Variants in GRM7 observed in about 807,000 individuals in gnomAD.
GRM7 encodes the protein metabotropic glutamate receptor 7.
In GRM7, 35 loss-of-function variants were observed where a neutral mutation model predicts 84.5. That is an observed-to-expected ratio of 0.41 (90% confidence interval 0.32 to 0.55). The LOEUF is 0.55. GRM7 is among the 20% of genes least tolerant of loss of function. GRM7 has a pLI of 0.19. For synonymous variants in GRM7, 487 were observed against 455.1 expected, an observed-to-expected ratio of 1.07 and a Z score of -0.89; for missense variants, 1,003 against 1,194.6, an observed-to-expected ratio of 0.84 and a Z score of 2.36.
intron 2 of GRM7, among the ~76,000 whole-genome samples, chr3:7,159,386 G>A (rs1256381895): frequency 6.6e-6 from 1 of 152,142 alleles, no homozygotes; most frequent in African/African-American, 2.4e-5. Flanking sequence ...CATCAGATAG[G>A]GAACAAGGGT....
chr3:7,095,936 T>A (rs1698843943), intron 1 of GRM7, among the ~76,000 whole-genome samples: 1 of 152,156 alleles, frequency 6.6e-6, no homozygotes, highest in Admixed American at 6.6e-5. Context: ...ATAAAATATA[T>A]GTCATATATA....
chr3:7,656,365 G>A (rs147916674), intron 8 of GRM7, among the ~76,000 whole-genome samples: 40 of 151,892 alleles, frequency 2.6e-4, no homozygotes, highest in Non-Finnish European at 4.3e-4. Context: ...GCATGGTGGC[G>A]TGCACCTGTA....
intron 8 of GRM7, among the ~76,000 whole-genome samples, chr3:7,624,653 G>A (rs565973160): frequency 6.6e-6 from 1 of 152,018 alleles, no homozygotes; most frequent in Non-Finnish European, 1.5e-5. Flanking sequence ...TACCATCTCC[G>A]AGTTGTTATG....
Position 7,324,937 on chromosome 3 carries a change from C to G in GRM7, c.1033+18285C>G, listed in dbSNP as rs544243808. ...CTAGTTTCTTCCAGTATATATCAGC[C>G]AGGTCCTGCAGCTTTTCCAACGTGT... On this transcript the variant is annotated intron_variant, in intron 4 of 9. Transcript: ENST00000357716. Among the ~76,000 whole-genome samples, 10 of 152,258 alleles carry G rather than the reference C, an allele frequency of 6.6e-5. No homozygotes were observed. The South Asian group carries it at 2.1e-3, about 32-fold the overall frequency.
chr3:7,104,917 A>G (rs1275653540), intron 1 of GRM7, among the ~76,000 whole-genome samples: 1 of 151,870 alleles, frequency 6.6e-6, no homozygotes, highest in Non-Finnish European at 1.5e-5. Flanking sequence ...ACAATATAAT[A>G]CAAAATATAT....
intron 4 of GRM7, among the ~76,000 whole-genome samples, chr3:7,351,609 T>C (rs1385158724): frequency 6.6e-6 from 1 of 152,054 alleles, no homozygotes; most frequent in Non-Finnish European, 1.5e-5. Flanking sequence ...TATGAGTGGA[T>C]ACCATCCTAT....
chr3:6,889,443 C>G (rs201681671), intron 1 of GRM7, among the ~76,000 whole-genome samples: 65,782 of 149,828 alleles, frequency 0.44, 16,065 homozygotes, highest in African/African-American at 0.67. Flanking sequence ...TAGCATGAAG[C>G]GTTGTTGAAT....
chr3:6,980,709 A>G (rs1266724080), intron 1 of GRM7, among the ~76,000 whole-genome samples: 1 of 152,240 alleles, frequency 6.6e-6, no homozygotes, highest in African/African-American at 2.4e-5. Flanking sequence ...ACTCACGTGC[A>G]AGTTCTTACT....
intron 1 of GRM7, among the ~76,000 whole-genome samples, chr3:7,092,708 C>G (rs1273549031): frequency 2.0e-5 from 3 of 152,004 alleles, no homozygotes; most frequent in Non-Finnish European, 4.4e-5. Context: ...AGGGGGAGGT[C>G]ATATTTATCA....
At chr3:6,987,108 T>C (rs984907567) in intron 1 of GRM7, among the ~76,000 whole-genome samples, 2 of 152,176 alleles carry the variant, frequency 1.3e-5, no homozygotes, top group Non-Finnish European at 2.9e-5. Flanking sequence ...TCTAATCCCC[T>C]TCCCTTTAGC....
rs1383027710 is a variant in GRM7 at position 7,713,757 on chromosome 3, C to T, written c.2699-26600C>T. 2.7e-5 allele frequency among the ~76,000 whole-genome samples: 4 copies of T among 148,266 alleles called. No individual in the cohort carries two copies. The South Asian group carries it at 8.5e-4, about 32-fold the overall frequency. ...AGAAAGGTATAAAACAGAATTTGCT[C>T]CTGGGATGCTCTCAATTGGAAGAGC... On this transcript the variant is annotated intron_variant, in intron 9 of 9. Coordinates refer to ENST00000357716, the MANE Select transcript of GRM7 (RefSeq NM_000844.4).
chr3:6,941,801 G>A (rs886661102), intron 1 of GRM7, among the ~76,000 whole-genome samples: 1 of 152,048 alleles, frequency 6.6e-6, no homozygotes, highest in African/African-American at 2.4e-5. Flanking sequence ...TTGTTGGTGT[G>A]GTATTGATCT....
chr3:6,900,709 T>C (rs1009332291), intron 1 of GRM7, among the ~76,000 whole-genome samples: 2 of 152,196 alleles, frequency 1.3e-5, no homozygotes, highest in South Asian at 4.1e-4. Context: ...AAGGGTTCTT[T>C]TAAGGATATA....
Position 7,167,753 on chromosome 3 carries a change from A to G in GRM7, c.736+21085A>G, listed in dbSNP as rs371103150. On this transcript the variant is annotated intron_variant, in intron 2 of 9. Coordinates refer to ENST00000357716, the MANE Select transcript of GRM7 (RefSeq NM_000844.4). ...GGGAGGCCGAGGCGGGCGGATCACG[A>G]GGTCAGGAGATTGAGACCATCCTGG... 3.4e-4 allele frequency among the ~76,000 whole-genome samples: 52 copies of G among 152,046 alleles called. No homozygotes were observed. In the East Asian group the frequency reaches 8.2e-3, roughly 24 times the overall value.
intron 1 of GRM7, among the ~76,000 whole-genome samples, chr3:6,933,018 G>A (rs1697564747): frequency 6.6e-6 from 1 of 152,026 alleles, no homozygotes; most frequent in African/African-American, 2.4e-5. Flanking sequence ...GCCTCCCAAA[G>A]TGCTGGGATT....
chr3:7,469,489 T>A (rs1698606636), intron 7 of GRM7, among the ~76,000 whole-genome samples: 1 of 152,230 alleles, frequency 6.6e-6, no homozygotes, highest in South Asian at 2.1e-4. Context: ...TCTTGAGGAA[T>A]GAAGTTGAAG....
At chr3:7,264,311 C>A (rs990044002) in intron 2 of GRM7, among the ~76,000 whole-genome samples, 6 of 152,180 alleles carry the variant, frequency 3.9e-5, no homozygotes, top group African/African-American at 1.4e-4. Flanking sequence ...GGCTGTGCTC[C>A]ACTACAGACA....
chr3:7,131,170 A>T (rs898524103), intron 1 of GRM7, among the ~76,000 whole-genome samples: 4 of 152,192 alleles, frequency 2.6e-5, no homozygotes, highest in African/African-American at 9.6e-5. Flanking sequence ...AAGATCTGTG[A>T]TCTGTAGGCA....
chr3:7,298,086 A>T (rs888212811), intron 2 of GRM7, among the ~76,000 whole-genome samples: 9 of 152,232 alleles, frequency 5.9e-5, no homozygotes, highest in African/African-American at 2.2e-4. Context: ...TAAATGAGGT[A>T]ACATCTGTAA....
Sources: allele counts gnomAD v4.1 joint callset (sites outside exome capture counted in the v4.1 genomes callset), GRCh38; gene constraint gnomAD v4.1.1; transcripts MANE v1.5; gene names NCBI Gene and HGNC (gene_info 2026-07-23, HGNC 2026-07-21).